Variants in PDZD2 observed in about 807,000 individuals in gnomAD.
PDZD2 encodes PDZ domain containing 2, also known as PDZ domain-containing protein 2.
Under a neutral mutation model 220.7 loss-of-function variants are expected in PDZD2, and 90 were observed. The ratio of observed to expected loss-of-function variants is 0.41; its 90% CI spans 0.34 to 0.49. The LOEUF (loss-of-function observed/expected upper bound fraction) is 0.49, where lower values mean the gene tolerates loss of function less well. PDZD2 is among the 20% of genes least tolerant of loss of function. PDZD2 has a pLI of 0.28. For synonymous variants in PDZD2, 1,375 were observed against 1,450.5 expected, an observed-to-expected ratio of 0.95 and a Z score of 1.18; for missense variants, 3,174 against 3,608.5, an observed-to-expected ratio of 0.88 and a Z score of 3.08.
intron 2 of PDZD2, among the ~76,000 whole-genome samples, chr5:31,856,363 A>G (rs1319524927): frequency 6.6e-6 from 1 of 152,170 alleles, no homozygotes; most frequent in African/African-American, 2.4e-5. Context: ...CTCTGGGGAA[A>G]GAGGCCTGTG....
intron 2 of PDZD2, among the ~76,000 whole-genome samples, chr5:31,802,110 G>A (rs1408456782): frequency 6.6e-6 from 1 of 152,194 alleles, no homozygotes; most frequent in Non-Finnish European, 1.5e-5. Flanking sequence ...GATCACATGT[G>A]GTGTGATGGA....
chr5:31,943,031 C>T (rs1462561141), intron 2 of PDZD2, among the ~76,000 whole-genome samples: 3 of 152,174 alleles, frequency 2.0e-5, no homozygotes, highest in East Asian at 1.9e-4. Context: ...GGTGAAATCC[C>T]GTCTCTACCA....
chr5:31,896,046 C>T (rs1304533927), intron 2 of PDZD2, among the ~76,000 whole-genome samples: 1 of 152,108 alleles, frequency 6.6e-6, no homozygotes, highest in Admixed American at 6.6e-5. Flanking sequence ...AAGAATTGTG[C>T]CCAAGGACAC....
intron 2 of PDZD2, among the ~76,000 whole-genome samples, chr5:31,894,283 G>A (rs1741336317): frequency 1.3e-5 from 2 of 151,916 alleles, no homozygotes; most frequent in South Asian, 4.1e-4. Context: ...AAGACATTTA[G>A]TCTTCAACCT....
At chr5:31,819,296 C>A (rs528419294) in intron 2 of PDZD2, among the ~76,000 whole-genome samples, 34 of 152,226 alleles carry the variant, frequency 2.2e-4, no homozygotes, top group African/African-American at 6.7e-4. Context: ...CTGGAGGTTC[C>A]TCATGTGATT....
intron 2 of PDZD2, among the ~76,000 whole-genome samples, chr5:31,929,546 T>C (rs1745069266): frequency 1.3e-5 from 2 of 152,168 alleles, no homozygotes; most frequent in South Asian, 4.1e-4. Context: ...AAAGCACAGA[T>C]ACATGAAAAA....
At chr5:31,679,869 T>C (rs1217260123) in intron 1 of PDZD2, among the ~76,000 whole-genome samples, 1 of 152,180 alleles carries the variant, frequency 6.6e-6, no homozygotes, top group Admixed American at 6.5e-5. Context: ...TCCTGTAGTA[T>C]TGAGACTATG....
intron 1 of PDZD2, among the ~76,000 whole-genome samples, chr5:31,732,882 C>T (rs933308741): frequency 7.9e-5 from 12 of 152,142 alleles, no homozygotes; most frequent in Admixed American, 7.9e-4. Flanking sequence ...GCAGGAGCCA[C>T]CACGCTCCGC....
At chr5:32,080,024 C>CAAAT in intron 19 of PDZD2, among the ~76,000 whole-genome samples, 1 of 151,936 alleles carries the variant, frequency 6.6e-6, no homozygotes, top group South Asian at 2.1e-4. Context: ...TTTTTGTTAG[C>CAAAT]AATTTGACTT....
At chr5:31,877,474 C>T (rs1739410967) in intron 2 of PDZD2, among the ~76,000 whole-genome samples, 1 of 152,058 alleles carries the variant, frequency 6.6e-6, no homozygotes, top group African/African-American at 2.4e-5. Context: ...CTCCCTCGGC[C>T]TCTCAAAGTG....
chr5:32,073,569 G>C (rs945550140), intron 17 of PDZD2, among the ~76,000 whole-genome samples: 1 of 148,856 alleles, frequency 6.7e-6, no homozygotes, highest in Non-Finnish European at 1.5e-5. Flanking sequence ...AACAGCACAC[G>C]TTTGAGTTAA....
chr5:31,916,909 T>G (rs1051113339), intron 2 of PDZD2, among the ~76,000 whole-genome samples: 2 of 152,288 alleles, frequency 1.3e-5, no homozygotes, highest in South Asian at 4.1e-4. Context: ...CTAACTGTCA[T>G]CATGACAGGC....
intron 7 of PDZD2, among the ~76,000 whole-genome samples, 183 bp downstream of exon 7, chr5:32,037,525 C>A (rs575033499): frequency 1.3e-5 from 2 of 152,312 alleles, no homozygotes; most frequent in South Asian, 4.2e-4. Flanking sequence ...GTGTGAATTT[C>A]ATTTTTTTTG....
chr5:32,059,360 T>C lies in PDZD2; in HGVS notation c.2318+4T>C. 1 of 1,473,090 alleles carries C rather than the reference T, an allele frequency of 6.8e-7. No individual in the cohort carries two copies. 91.3% of individuals were successfully genotyped at this position (1,473,090 alleles called of 1,614,324 possible). A position where few individuals can be genotyped will look rare whatever the true frequency, so the allele number is the denominator to read the frequency against. Reference sequence around the variant, plus strand: ...CCAAGATGGAGAGCAACCTGAGGTTTGTTGTTTGCCTGATAGTGTAAGGTT... The same window carrying C: ...CCAAGATGGAGAGCAACCTGAGGTTCGTTGTTTGCCTGATAGTGTAAGGTT... On this transcript the variant is annotated splice_donor_region_variant and intron_variant, in intron 13 of 24. Transcript: ENST00000438447.
chr5:31,781,712 A>C (rs906369931), intron 1 of PDZD2, among the ~76,000 whole-genome samples: 2 of 152,252 alleles, frequency 1.3e-5, no homozygotes, highest in South Asian at 4.1e-4. Flanking sequence ...TAATTACTTC[A>C]AACATTTTTC....
chr5:32,074,199 G>A lies in PDZD2; in HGVS notation c.3093G>A (p.Ser1031=), dbSNP rs779862215. ...AAACACTGGTGAGCAAGGCCATCTCGGCACCTCTTCTTGGTAGCTCAGTGG... is the reference window on the plus strand; with the variant it reads ...AAACACTGGTGAGCAAGGCCATCTCAGCACCTCTTCTTGGTAGCTCAGTGG... ...PRKTLVSKAI[S]APLLGSSVDL... The change falls in exon 18 of 25, where the codon TCG becomes TCA. Residue 1031 remains serine (S), a synonymous_variant. Coordinates refer to ENST00000438447, the MANE Select transcript of PDZD2 (RefSeq NM_178140.4). The A allele has an allele frequency of 2.0e-5, 32 of 1,614,188 alleles. No individual in the cohort carries two copies. The highest frequency in any genetic ancestry group is 2.5e-5 in the Non-Finnish European group (30 of 1,180,028).
intron 6 of PDZD2, among the ~76,000 whole-genome samples, chr5:32,022,190 T>G (rs1001401661): frequency 4.1e-5 from 6 of 144,972 alleles, no homozygotes; most frequent in African/African-American, 1.1e-4. Context: ...TTTTTGTTTT[T>G]TTGTTTTTTG....
intron 1 of PDZD2, among the ~76,000 whole-genome samples, chr5:31,702,196 T>A (rs1399109614): frequency 2.0e-5 from 3 of 152,256 alleles, no homozygotes; most frequent in Non-Finnish European, 4.4e-5. Flanking sequence ...TGGAGTTTTA[T>A]GTGCCAAGCC....
Position 32,000,186 on chromosome 5 carries a change from A to G in PDZD2, c.1169A>G (p.His390Arg), listed in dbSNP as rs746012834. ...LGDELLVINGHLLVGLSHEEA... is the reference protein window; with the variant it reads ...LGDELLVINGRLLVGLSHEEA... ...GATGAGCTGCTGGTAATCAATGGTCATTTACTGGTCGGGCTCTCCCACGAG... is the reference window on the plus strand; with the variant it reads ...GATGAGCTGCTGGTAATCAATGGTCGTTTACTGGTCGGGCTCTCCCACGAG... Residue 390 changes from histidine to arginine, a missense_variant, in exon 5 of 25, where the codon CAT becomes CGT. Physicochemically the swap from His to Arg is conservative, Grantham distance 29. Around this residue, in one of 4 missense-constraint regions of PDZD2, gnomAD observed 632 missense variants for 708.1 expected, o/e 0.89. Transcript: ENST00000438447. The surrounding 1 kb of genome is among the most constrained non-coding windows in gnomAD (Gnocchi z 4.5). 15 of 1,613,898 alleles carry G rather than the reference A, an allele frequency of 9.3e-6. No individual in the cohort carries two copies. The highest frequency in any genetic ancestry group is 8.0e-5 in the African/African-American group (6 of 74,906).
Sources: gnomAD v4.1 joint callset for allele counts (sites outside exome capture counted in the v4.1 genomes callset) on GRCh38, gnomAD v4.1.1 for gene constraint, gnomAD v4.1.1 regional missense constraint, Gnocchi (gnomAD v3.1) non-coding constraint, MANE v1.5 for transcripts, NCBI Gene and HGNC (gene_info 2026-07-23, HGNC 2026-07-21) for gene names.